The following BLACAT1 variants were observed in gnomAD, a reference collection of about 807,000 sequenced individuals.
BLACAT1 encodes the protein bladder cancer associated transcript 1.
chr1:205,445,519 G>C (rs1666373349), intron 1 of BLACAT1, among the ~76,000 whole-genome samples: 1 of 152,232 alleles, frequency 6.6e-6, no homozygotes, highest in Non-Finnish European at 1.5e-5. Context: ...ATGGCCTTCA[G>C]AGACCACAGA....
downstream of BLACAT1, among the ~76,000 whole-genome samples, chr1:205,439,686 G>T (rs1019315780): frequency 5.3e-5 from 8 of 152,180 alleles, no homozygotes; most frequent in African/African-American, 9.7e-5. Flanking sequence ...GCTAGAGGGG[G>T]TCTGACTTTG....
At chr1:205,446,663 G>A (rs1444657635) in intron 1 of BLACAT1, among the ~76,000 whole-genome samples, 1 of 152,164 alleles carries the variant, frequency 6.6e-6, no homozygotes, top group Non-Finnish European at 1.5e-5. Context: ...TCAGGTGCCT[G>A]GACAGCCTCA....
chr1:205,450,287 C>T lies in BLACAT1; in HGVS notation c.-37+5630G>A, dbSNP rs969856236. Among the ~76,000 whole-genome samples the T allele has an allele frequency of 2.0e-5, 3 of 152,048 alleles. No homozygotes were observed. Among genetic ancestry groups the T allele is most frequent in the African/African-American group, 4.8e-5 (2 of 41,382 alleles). On this transcript the variant is annotated intron_variant, in intron 1 of 1. Coordinates refer to ENST00000629624, the Ensembl canonical transcript of BLACAT1. This position sits in a 1 kb window ranked among gnomAD's most constrained non-coding sequence, Gnocchi z 4.4. ...GAACCAGCCATGTATTACTCACGTCCCCCTGCCGGGCTATTGGTGCAGAGG... is the reference window on the plus strand; with the variant it reads ...GAACCAGCCATGTATTACTCACGTCTCCCTGCCGGGCTATTGGTGCAGAGG...
chr1:205,437,128 A>G (rs1042991500), downstream of BLACAT1: 1 of 152,438 alleles, frequency 6.6e-6, no homozygotes. Flanking sequence ...AGACAGGACA[A>G]ACTCCAGCCT....
At chr1:205,454,527 A>AGTGTGTGTGT (rs746207549) in intron 1 of BLACAT1, among the ~76,000 whole-genome samples, 51 of 149,072 alleles carry the variant, frequency 3.4e-4, no homozygotes, top group African/African-American at 1.2e-3. Flanking sequence ...ATCTGGTGTG[A>AGTGTGTGTGT]GTGTGTGTGT....
At chr1:205,435,208 C>T (rs193247822), downstream of BLACAT1, 1 of 152,356 alleles carries the variant, frequency 6.6e-6, no homozygotes, top group Non-Finnish European at 1.5e-5. Flanking sequence ...AACACAGCCA[C>T]CCAGGTGCTG....
intron 1 of BLACAT1, among the ~76,000 whole-genome samples, chr1:205,445,168 G>A (rs1666362839): frequency 6.6e-6 from 1 of 152,050 alleles, no homozygotes; most frequent in Non-Finnish European, 1.5e-5. Context: ...GGTGAATTGG[G>A]TTTTCTCTCC....
intron 1 of BLACAT1, chr1:205,449,921 G>C (rs1343571762): frequency 6.6e-6 from 1 of 152,576 alleles, no homozygotes; most frequent in African/African-American, 2.4e-5. Flanking sequence ...ACAATTCCCC[G>C]CAGAGCCACT....
At position 205,448,294 on chromosome 1, in the gene BLACAT1, C is replaced by A; in HGVS notation, c.-36-7232G>T. The stretch of plus-strand genomic sequence containing the variant: ...TGGTCCCATGGGAGGTGCAGCTGCG[C>A]AGGAGAAGGAGCTCGCCCCTCACTG... On this transcript the variant is annotated intron_variant, in intron 1 of 1. Coordinates refer to ENST00000629624, the Ensembl canonical transcript of BLACAT1. The surrounding 1 kb of genome is among the most constrained non-coding windows in gnomAD (Gnocchi z 4.7). The A allele has an allele frequency of 1.9e-6, 1 of 527,326 alleles. No individual in the cohort carries two copies. 32.7% of individuals were successfully genotyped at this position (527,326 alleles called of 1,614,324 possible). A position where few individuals can be genotyped will look rare whatever the true frequency, so the allele number is the denominator to read the frequency against.
At chr1:205,439,169 G>A (rs1666254311), downstream of BLACAT1, among the ~76,000 whole-genome samples, 1 of 152,304 alleles carries the variant, frequency 6.6e-6, no homozygotes, top group African/African-American at 2.4e-5. Flanking sequence ...CTCACCCAAG[G>A]CCTCTACTAT....
chr1:205,452,824 A>T lies in BLACAT1; in HGVS notation c.-37+3093T>A, dbSNP rs1300484385. On this transcript the variant is annotated intron_variant, in intron 1 of 1. Coordinates refer to ENST00000629624, the Ensembl canonical transcript of BLACAT1. ...TACCACCCCACATATACTCCAATCCAAAAAGACTAAATCAGAAGCATTTCA... is the reference window on the plus strand; with the variant it reads ...TACCACCCCACATATACTCCAATCCTAAAAGACTAAATCAGAAGCATTTCA... Among the ~76,000 whole-genome samples the T allele has an allele frequency of 4.6e-5, 7 of 152,358 alleles. No homozygotes were observed. In the East Asian group the frequency reaches 9.6e-4, roughly 21 times the overall value.
chr1:205,444,788 AAAC>A (rs962348504), intron 1 of BLACAT1, among the ~76,000 whole-genome samples: 3 of 151,998 alleles, frequency 2.0e-5, no homozygotes, highest in Admixed American at 6.6e-5. Context: ...ATTCTCTGAT[AAAC>A]AAGAAGAGGG....
downstream of BLACAT1, chr1:205,437,979 C>T (rs1192710108): frequency 6.6e-6 from 1 of 152,090 alleles, no homozygotes; most frequent in Non-Finnish European, 1.5e-5. Context: ...CCATATGCTA[C>T]ATGCAAAAAG....
At chr1:205,455,595 C>T (rs1484547175) in intron 1 of BLACAT1, among the ~76,000 whole-genome samples, 1 of 152,200 alleles carries the variant, frequency 6.6e-6, no homozygotes, top group Non-Finnish European at 1.5e-5. Context: ...GGATCGGCTA[C>T]CTCCGGAGCC....
intron 1 of BLACAT1, among the ~76,000 whole-genome samples, chr1:205,443,617 G>C (rs905334662): frequency 6.6e-6 from 1 of 152,162 alleles, no homozygotes; most frequent in Non-Finnish European, 1.5e-5. Flanking sequence ...AGAGTAGAAA[G>C]TATCATAAAC....
At chr1:205,447,751 C>T (rs1226450549) in intron 1 of BLACAT1, among the ~76,000 whole-genome samples, 1 of 84,968 alleles carries the variant, frequency 1.2e-5, no homozygotes, top group African/African-American at 3.3e-5. Flanking sequence ...AGCCTGTCGC[C>T]CGGGGGAGCG....
chr1:205,444,230 G>A (rs974090553), intron 1 of BLACAT1, among the ~76,000 whole-genome samples: 2 of 152,060 alleles, frequency 1.3e-5, no homozygotes, highest in Admixed American at 6.6e-5. Context: ...GAGGCAGGGT[G>A]GACACTGGAC....
At chr1:205,438,047 A>T (rs1666236524), downstream of BLACAT1, among the ~76,000 whole-genome samples, 1 of 152,210 alleles carries the variant, frequency 6.6e-6, no homozygotes, top group South Asian at 2.1e-4. Flanking sequence ...TCAACCTGAG[A>T]CAAGAAGCCC....
chr1:205,445,618 C>A (rs910945835), intron 1 of BLACAT1, among the ~76,000 whole-genome samples: 2 of 152,228 alleles, frequency 1.3e-5, no homozygotes, highest in African/African-American at 4.8e-5. Context: ...CAAGGGCAGC[C>A]AAGCATTCTC....
Sources: allele counts gnomAD v4.1 joint callset (sites outside exome capture counted in the v4.1 genomes callset), GRCh38; gene constraint gnomAD v4.1.1; non-coding constraint Gnocchi (gnomAD v3.1); transcripts MANE v1.5; gene names NCBI Gene and HGNC (gene_info 2026-07-23, HGNC 2026-07-21).